The following UTRN variants were observed in gnomAD, a reference collection of about 807,000 sequenced individuals.
The protein encoded by UTRN is dystrophin-related protein 1.
Under a neutral mutation model 463.9 loss-of-function variants are expected in UTRN, and 283 were observed. The ratio of observed to expected loss-of-function variants is 0.61; its 90% CI spans 0.55 to 0.67. The LOEUF (loss-of-function observed/expected upper bound fraction) is 0.67. Among genes scored for constraint, UTRN ranks in the 30% least tolerant of loss-of-function variants. The probability of loss-of-function intolerance (pLI) is 0.00; values close to 1 mark genes in which losing one functional copy is unlikely to be tolerated. For missense variants in UTRN, 3,922 were observed against 4,084.3 expected, an observed-to-expected ratio of 0.96 and a Z score of 1.08; for synonymous variants, 1,442 against 1,431.5, an observed-to-expected ratio of 1.01 and a Z score of -0.17.
At chr6:144,828,956 A>G in intron 69 of UTRN, 101 bp downstream of exon 69, 1 of 1,360,266 alleles carries the variant, frequency 7.4e-7, no homozygotes, top group Non-Finnish European at 1.0e-6. Context: ...CTTGATCCCA[A>G]TCAAAATTAT....
intron 58 of UTRN, among the ~76,000 whole-genome samples, chr6:144,770,849 C>T (rs1479665646): frequency 1.3e-5 from 2 of 152,118 alleles, no homozygotes; most frequent in African/African-American, 4.8e-5. Flanking sequence ...GCAAGAGACA[C>T]TTGCCTGAGG....
intron 73 of UTRN, 77 bp downstream of exon 73, chr6:144,840,909 T>C: frequency 4.0e-6 from 6 of 1,497,030 alleles, no homozygotes; most frequent in Non-Finnish European, 4.6e-6. Flanking sequence ...GCCCTTCGCC[T>C]TCTTCCTTAA....
chr6:144,827,722 T>C, intron 68 of UTRN, 46 bp downstream of exon 68: 1 of 1,578,672 alleles, frequency 6.3e-7, no homozygotes, highest in South Asian at 1.1e-5. Flanking sequence ...CCACCCAGAA[T>C]GTATCTATGT....
chr6:144,848,939 AAG>A (rs1411772982), intron 74 of UTRN, among the ~76,000 whole-genome samples: 1 of 152,032 alleles, frequency 6.6e-6, no homozygotes. Flanking sequence ...GGAGAGGAGA[AAG>A]AAGATACCCC....
At chr6:144,545,507 A>C (rs770108435) in intron 46 of UTRN, among the ~76,000 whole-genome samples, 9 of 152,180 alleles carry the variant, frequency 5.9e-5, no homozygotes, top group Non-Finnish European at 1.0e-4. Context: ...CCAAGAACGT[A>C]ATCATTTCTG....
rs181099409 is a variant in UTRN at position 144,315,333 on chromosome 6, G to A, written c.79+23426G>A. Among the ~76,000 whole-genome samples the A allele has an allele frequency of 5.3e-5, 8 of 152,290 alleles. No individual in the cohort carries two copies. In the East Asian group the frequency reaches 1.5e-3, roughly 29 times the overall value. ...TCCTGGATGGCTGGCAGGGGCAGTAGGTCAGTCAGGGCACTGTTCCAGGAC... is the reference window on the plus strand; with the variant it reads ...TCCTGGATGGCTGGCAGGGGCAGTAAGTCAGTCAGGGCACTGTTCCAGGAC... On this transcript the variant is annotated intron_variant, in intron 2 of 74. Transcript: ENST00000367545.
intron 65 of UTRN, among the ~76,000 whole-genome samples, chr6:144,820,100 GA>G (rs1562949462): frequency 7.2e-6 from 1 of 138,104 alleles, no homozygotes; most frequent in African/African-American, 2.6e-5. Flanking sequence ...ATAGAAACTA[GA>G]ATTGTGATAT....
chr6:144,470,878 C>A (rs1207835164), intron 23 of UTRN, among the ~76,000 whole-genome samples: 1 of 151,728 alleles, frequency 6.6e-6, no homozygotes, highest in East Asian at 1.9e-4. Flanking sequence ...ATACAAAAAC[C>A]AGTCAGGCGT....
chr6:144,623,257 A>G (rs894536463), intron 51 of UTRN, among the ~76,000 whole-genome samples: 1 of 152,232 alleles, frequency 6.6e-6, no homozygotes, highest in Non-Finnish European at 1.5e-5. Flanking sequence ...AATATATTTT[A>G]TCAATCAGAA....
intron 14 of UTRN, among the ~76,000 whole-genome samples, chr6:144,445,084 C>G (rs1233892001): frequency 6.6e-6 from 1 of 152,174 alleles, no homozygotes; most frequent in Non-Finnish European, 1.5e-5. Flanking sequence ...GGCAGGGTGG[C>G]TCACGCCTGT....
chr6:144,680,320 C>T (rs2128684934), intron 52 of UTRN, among the ~76,000 whole-genome samples: 1 of 152,104 alleles, frequency 6.6e-6, no homozygotes, highest in East Asian at 1.9e-4. Context: ...ATTGCCTAAG[C>T]CTATCATGAC....
intron 2 of UTRN, among the ~76,000 whole-genome samples, chr6:144,298,265 C>T (rs550497609): frequency 1.3e-5 from 2 of 152,268 alleles, no homozygotes; most frequent in South Asian, 2.1e-4. Flanking sequence ...TACTTACTCT[C>T]GAGATGATGG....
chr6:144,314,903 G>A (rs1775182865), intron 2 of UTRN, among the ~76,000 whole-genome samples: 1 of 152,052 alleles, frequency 6.6e-6, no homozygotes, highest in South Asian at 2.1e-4. Flanking sequence ...TGCATTTGAA[G>A]TACTCACAAC....
At chr6:144,511,254 A>C in intron 35 of UTRN, 131 bp downstream of exon 35, 1 of 869,202 alleles carries the variant, frequency 1.2e-6, no homozygotes, top group Non-Finnish European at 1.6e-6. Context: ...TTGTGAATTA[A>C]TTTCATTAGA....
chr6:144,605,854 C>CT (rs961331875), intron 51 of UTRN, among the ~76,000 whole-genome samples: 6 of 151,952 alleles, frequency 3.9e-5, no homozygotes, highest in Admixed American at 3.3e-4. Context: ...TTTATGACAG[C>CT]TTTTTACTCT....
chr6:144,732,326 C>T (rs1253433417), intron 54 of UTRN, among the ~76,000 whole-genome samples: 1 of 148,248 alleles, frequency 6.7e-6, no homozygotes, highest in Non-Finnish European at 1.5e-5. Flanking sequence ...AATGTATACA[C>T]ACACACGTAC....
Position 144,426,354 on chromosome 6 carries a change from G to T in UTRN, c.473G>T (p.Ser158Ile). 6.2e-7 allele frequency: 1 copy of T among 1,614,154 alleles called. No homozygotes were observed. The highest frequency in any genetic ancestry group is 8.5e-7 in the Non-Finnish European group (1 of 1,180,022). ...QQTNSEKILL[S>I]WVRQTTRPYS... ...ACGAACAGTGAGAAGATCCTGCTCA[G>T]CTGGGTGCGTCAGACCACCAGGCCC... Residue 158 changes from serine to isoleucine, a missense_variant, in exon 7 of 75, where the codon AGC (serine) becomes ATC (isoleucine). By Grantham distance (142) the Ser-to-Ile change is moderately radical. Coordinates refer to ENST00000367545, the MANE Select transcript of UTRN (RefSeq NM_007124.3).
intron 52 of UTRN, among the ~76,000 whole-genome samples, chr6:144,683,706 A>G (rs1782444157): frequency 6.6e-6 from 1 of 152,166 alleles, no homozygotes; most frequent in Admixed American, 6.5e-5. Flanking sequence ...AACTCTTTTC[A>G]ATAGAGGTTA....
At chr6:144,473,869 A>C (rs764954623) in intron 24 of UTRN, 36 bp downstream of exon 24, 2 of 1,491,090 alleles carry the variant, frequency 1.3e-6, no homozygotes, top group Non-Finnish European at 1.9e-6. Flanking sequence ...TGTCATAAAT[A>C]ACATTTTGTT....
Sources: gnomAD v4.1 joint callset for allele counts (sites outside exome capture counted in the v4.1 genomes callset) on GRCh38, gnomAD v4.1.1 for gene constraint, MANE v1.5 for transcripts, NCBI Gene and HGNC (gene_info 2026-07-23, HGNC 2026-07-21) for gene names.